Variants in RETREG1 observed in about 807,000 individuals in gnomAD.
RETREG1 encodes the protein family with sequence similarity 134 member B.
A neutral mutation model predicts 54.8 loss-of-function variants in RETREG1; 44 were observed. The observed-to-expected ratio is 0.80, with a 90% CI of 0.63 to 1.03. The LOEUF is 1.03. Ranked by LOEUF, RETREG1 falls within the 50% of genes least tolerant of loss-of-function variation. The probability of loss-of-function intolerance (pLI) is 0.00; values close to 1 mark genes in which losing one functional copy is unlikely to be tolerated. For synonymous variants in RETREG1, 217 were observed against 238.5 expected (o/e 0.91, Z 0.83); for missense variants, 554 against 605.1 (o/e 0.92, Z 0.89).
intron 3 of RETREG1, among the ~76,000 whole-genome samples, chr5:16,521,129 G>A (rs933832853): frequency 1.3e-5 from 2 of 152,136 alleles, no homozygotes; most frequent in African/African-American, 4.8e-5. Flanking sequence ...GGGTCACCTG[G>A]AACTGGTTTT....
At chr5:16,539,717 A>T (rs1741186696) in intron 3 of RETREG1, among the ~76,000 whole-genome samples, 2 of 152,220 alleles carry the variant, frequency 1.3e-5, no homozygotes, top group South Asian at 4.2e-4. Context: ...CAGAACTCAC[A>T]CCTCTGTCAG....
chr5:16,565,018 T>C lies in RETREG1; in HGVS notation c.458+745A>G, dbSNP rs1315605623. Among the ~76,000 whole-genome samples, 3 of 152,316 alleles carry C rather than the reference T, an allele frequency of 2.0e-5. No individual in the cohort carries two copies. The East Asian group carries it at 5.8e-4, about 29-fold the overall frequency. On this transcript the variant is annotated intron_variant, in intron 3 of 8. Transcript: ENST00000306320. ...CCATCGTTTTTAAGTAATACAAATA[T>C]ATTTTAAGGCAGAAATTTAAAAAAT... is the stretch of plus-strand genomic sequence containing the variant.
At chr5:16,478,149 T>C (rs1738622452) in intron 6 of RETREG1, 51 bp from the exon 7 acceptor site, 1 of 1,172,538 alleles carries the variant, frequency 8.5e-7, no homozygotes, top group Non-Finnish European at 1.3e-6. Context: ...AACTCAGACA[T>C]AGTGCATTTA....
At chr5:16,603,799 G>C (rs1338221376) in intron 1 of RETREG1, among the ~76,000 whole-genome samples, 1 of 152,060 alleles carries the variant, frequency 6.6e-6, no homozygotes, top group African/African-American at 2.4e-5. Context: ...AGTGCAATCA[G>C]CTAAGAACAG....
intron 1 of RETREG1, among the ~76,000 whole-genome samples, chr5:16,600,229 GACCTCAGGTGATCCACCC>G (rs1185670398): frequency 6.6e-6 from 1 of 152,172 alleles, no homozygotes; most frequent in Non-Finnish European, 1.5e-5. Context: ...CTGAACTCCT[GACCTCAGGTGATCCACCC>G]ACCTCAGCCT....
At position 16,572,103 on chromosome 5, in the gene RETREG1, C is replaced by T; in HGVS notation, c.321-1G>A. 1 of 1,603,040 alleles carries T rather than the reference C, an allele frequency of 6.2e-7. No individual in the cohort carries two copies. Among genetic ancestry groups the T allele is most frequent in the Non-Finnish European group, 8.5e-7 (1 of 1,169,894 alleles). Reference sequence around the variant, plus strand: ...TCTCCATGGAGTCAATGCAAGGAACCTGCAACAGCGAAACACAAATCAGTA... The same window carrying T: ...TCTCCATGGAGTCAATGCAAGGAACTTGCAACAGCGAAACACAAATCAGTA... On this transcript the variant is annotated splice_acceptor_variant, in intron 1 of 8. Coordinates refer to ENST00000306320, the MANE Select transcript of RETREG1 (RefSeq NM_001034850.3). LOFTEE classifies it high-confidence loss of function.
chr5:16,528,736 C>T (rs943333347), intron 3 of RETREG1, among the ~76,000 whole-genome samples: 2 of 152,204 alleles, frequency 1.3e-5, no homozygotes, highest in African/African-American at 4.8e-5. Flanking sequence ...CATCTGATGG[C>T]ATGAACTGCT....
At chr5:16,480,874 C>T (rs1472291903) in intron 5 of RETREG1, 135 bp downstream of exon 5, 12 of 680,114 alleles carry the variant, frequency 1.8e-5, no homozygotes, top group Non-Finnish European at 2.7e-5. Flanking sequence ...AAACTTTGTA[C>T]AGCAGGAGAT....
rs1296023476 is a variant in RETREG1, at chr5:16,483,487, AG to A, written c.459-16del. 6.2e-7 allele frequency: 1 copy of A among 1,612,378 alleles called. No homozygotes were observed. The highest frequency in any genetic ancestry group is 1.3e-5 in the African/African-American group (1 of 74,876). On this transcript the variant is annotated splice_polypyrimidine_tract_variant and intron_variant, in intron 3 of 8. Coordinates refer to ENST00000306320, the MANE Select transcript of RETREG1 (RefSeq NM_001034850.3). ...TAACTTCCCAGCTAAAGAGACAAAAAGAAAAAAAATACTACTGAACTTTGGA... is the reference window on the plus strand; with the variant it reads ...TAACTTCCCAGCTAAAGAGACAAAAAAAAAAAAATACTACTGAACTTTGGA...
intron 3 of RETREG1, among the ~76,000 whole-genome samples, chr5:16,502,646 C>T (rs1260593445): frequency 3.9e-5 from 6 of 152,058 alleles, no homozygotes; most frequent in Admixed American, 2.6e-4. Flanking sequence ...AGTATTTTTT[C>T]GAGGCATTAA....
chr5:16,576,607 T>C (rs1742327034), intron 1 of RETREG1, among the ~76,000 whole-genome samples: 1 of 152,168 alleles, frequency 6.6e-6, no homozygotes. Flanking sequence ...TGCCTCAGCC[T>C]CCCGAGTAGC....
chr5:16,526,724 G>A (rs1179950644), intron 3 of RETREG1, among the ~76,000 whole-genome samples: 2 of 152,104 alleles, frequency 1.3e-5, no homozygotes, highest in African/African-American at 2.4e-5. Flanking sequence ...CAGAATATTA[G>A]AAATATTCAA....
intron 3 of RETREG1, among the ~76,000 whole-genome samples, chr5:16,548,750 A>G (rs550805635): frequency 1.3e-5 from 2 of 152,332 alleles, no homozygotes; most frequent in Admixed American, 1.3e-4. Flanking sequence ...ACACCTTACT[A>G]TTTTGTCTGG....
chr5:16,556,305 G>A (rs972504891), intron 3 of RETREG1, among the ~76,000 whole-genome samples: 5 of 152,052 alleles, frequency 3.3e-5, no homozygotes, highest in African/African-American at 9.6e-5. Context: ...ACAGGCACCC[G>A]CCGCCACGCC....
At position 16,481,032 on chromosome 5, in the gene RETREG1, C is replaced by G. The variant is rs1412581367; in HGVS notation, c.647G>C (p.Gly216Ala). 1 of 1,611,584 alleles carries G rather than the reference C, an allele frequency of 6.2e-7. No individual in the cohort carries two copies. Among genetic ancestry groups the G allele is most frequent in the Non-Finnish European group, 8.5e-7 (1 of 1,178,200 alleles). The change falls in exon 5 of 9, where the codon GGG becomes GCG. Residue 216 changes from glycine (G) to alanine (A), a missense_variant. By Grantham distance (60) the Gly-to-Ala change is moderately conservative. Transcript: ENST00000306320. ...FFTILGSYIP[G>A]VILSYLLLLC... The stretch of plus-strand genomic sequence containing the variant: ...ACACAGTAGATAGCTGAGTATAACC[C>G]CAGGAATGTAACTTCCCAAGATCGT...
intron 3 of RETREG1, among the ~76,000 whole-genome samples, chr5:16,543,018 G>T (rs1249292145): frequency 2.0e-5 from 3 of 152,136 alleles, no homozygotes; most frequent in South Asian, 4.1e-4. Context: ...TCCAAGACAA[G>T]AACGGGTCTG....
intron 8 of RETREG1, among the ~76,000 whole-genome samples, chr5:16,476,597 G>C (rs544855267): frequency 6.6e-5 from 10 of 152,170 alleles, no homozygotes; most frequent in Non-Finnish European, 1.5e-4. Flanking sequence ...CATGTCCTTT[G>C]CAAGGACATG....
At chr5:16,565,185 C>T (rs932664881) in intron 3 of RETREG1, among the ~76,000 whole-genome samples, 1 of 152,160 alleles carries the variant, frequency 6.6e-6, no homozygotes, top group African/African-American at 2.4e-5. Context: ...CATTTGGAAA[C>T]AGCCCCTTTA....
chr5:16,479,027 T>G (rs908833859), intron 5 of RETREG1, 40 bp from the exon 6 acceptor site: 2 of 1,599,620 alleles, frequency 1.3e-6, no homozygotes, highest in Non-Finnish European at 1.7e-6. Context: ...TGCCTTTCCT[T>G]TCAAAAGGCT....
Sources: allele counts gnomAD v4.1 joint callset (sites outside exome capture counted in the v4.1 genomes callset), GRCh38; gene constraint gnomAD v4.1.1; transcripts MANE v1.5; gene names NCBI Gene and HGNC (gene_info 2026-07-23, HGNC 2026-07-21).